The following RBMS3 variants were observed in gnomAD, a reference collection of about 807,000 sequenced individuals.
The protein encoded by RBMS3 is RNA-binding motif, single-stranded-interacting protein 3.
In RBMS3, 27 loss-of-function variants were observed where a neutral mutation model predicts 66.8. The ratio of observed to expected loss-of-function variants is 0.40; its 90% CI spans 0.30 to 0.56. The LOEUF (loss-of-function observed/expected upper bound fraction) is 0.56. RBMS3 is among the 20% of genes least tolerant of loss of function. RBMS3 has a pLI of 0.40. For missense variants in RBMS3, 513 were observed against 549.5 expected, an observed-to-expected ratio of 0.93 and a Z score of 0.66; for synonymous variants, 188 against 183.0, an observed-to-expected ratio of 1.03 and a Z score of -0.22.
chr3:29,891,233 G>A (rs1308425557), intron 8 of RBMS3, among the ~76,000 whole-genome samples: 1 of 151,586 alleles, frequency 6.6e-6, no homozygotes, highest in African/African-American at 2.4e-5. Flanking sequence ...AGCTAAGGAA[G>A]AACAAACAGT....
chr3:29,719,749 C>T (rs537167769), intron 4 of RBMS3, among the ~76,000 whole-genome samples: 1 of 152,204 alleles, frequency 6.6e-6, no homozygotes, highest in South Asian at 2.1e-4. Context: ...TTCTCAAATT[C>T]CTCAAATTCT....
At chr3:29,996,235 GC>G (rs1295552229) in intron 14 of RBMS3, among the ~76,000 whole-genome samples, 12 of 151,442 alleles carry the variant, frequency 7.9e-5, no homozygotes, top group South Asian at 2.1e-4. Context: ...AAATATATAT[GC>G]ACCCAATACA....
At chr3:29,637,025 C>A (rs977512684) in intron 4 of RBMS3, among the ~76,000 whole-genome samples, 2 of 151,862 alleles carry the variant, frequency 1.3e-5, no homozygotes, top group African/African-American at 2.4e-5. Flanking sequence ...AGCATGGAAG[C>A]TCCTAATGAG....
rs1008826418 is a variant in RBMS3, at chr3:29,701,327, G to A, written c.400-38393G>A. Among the ~76,000 whole-genome samples the A allele has an allele frequency of 5.9e-5, 9 of 152,150 alleles. No homozygotes were observed. The East Asian group carries it at 9.7e-4, about 16-fold the overall frequency. ...GTTTTAAGTAGTGAATGTTACCTCC[G>A]TAAAAAACAAGCTAGGAACCAGAAT... On this transcript the variant is annotated intron_variant, in intron 4 of 14. Transcript: ENST00000383767.
intron 6 of RBMS3, among the ~76,000 whole-genome samples, chr3:29,864,734 C>T (rs1164017895): frequency 3.3e-5 from 5 of 151,262 alleles, no homozygotes; most frequent in Non-Finnish European, 7.4e-5. Context: ...AAAAAACTTT[C>T]ACAATAGCTC....
chr3:29,476,281 A>G (rs1454434560), intron 2 of RBMS3, among the ~76,000 whole-genome samples: 2 of 152,190 alleles, frequency 1.3e-5, no homozygotes, highest in Non-Finnish European at 2.9e-5. Context: ...CCCATGAACT[A>G]TTGTTTTTGA....
intron 4 of RBMS3, among the ~76,000 whole-genome samples, chr3:29,709,209 G>A (rs2053046262): frequency 6.6e-6 from 1 of 152,130 alleles, no homozygotes; most frequent in African/African-American, 2.4e-5. Context: ...CCAACCTGCA[G>A]CCAACGAGTA....
intron 3 of RBMS3, among the ~76,000 whole-genome samples, chr3:29,561,057 A>G (rs2046532141): frequency 6.6e-6 from 1 of 152,210 alleles, no homozygotes; most frequent in Non-Finnish European, 1.5e-5. Flanking sequence ...ATGTTCCTGC[A>G]AAAGACAGGA....
intron 1 of RBMS3, among the ~76,000 whole-genome samples, chr3:29,414,764 A>G (rs967309810): frequency 2.0e-5 from 3 of 152,196 alleles, no homozygotes; most frequent in Admixed American, 6.5e-5. Context: ...TGTGCTTTCA[A>G]AAGTAAGGCA....
At chr3:29,396,128 G>A (rs1413739565) in intron 1 of RBMS3, among the ~76,000 whole-genome samples, 1 of 152,154 alleles carries the variant, frequency 6.6e-6, no homozygotes, top group Non-Finnish European at 1.5e-5. Context: ...TAGAGGCGCA[G>A]CTGGATATCA....
At chr3:29,520,511 C>T (rs1347698465) in intron 3 of RBMS3, among the ~76,000 whole-genome samples, 1 of 152,076 alleles carries the variant, frequency 6.6e-6, no homozygotes, top group East Asian at 1.9e-4. Context: ...GTTAAATATA[C>T]ACCAACAGCA....
At chr3:29,308,727 C>A (rs1425593661) in intron 1 of RBMS3, among the ~76,000 whole-genome samples, 1 of 99,290 alleles carries the variant, frequency 1.0e-5, no homozygotes, top group African/African-American at 3.9e-5. Context: ...AGAAATATAG[C>A]ATAGTGATTA....
chr3:29,704,705 AT>A (rs2052792841), intron 4 of RBMS3, among the ~76,000 whole-genome samples: 1 of 152,182 alleles, frequency 6.6e-6, no homozygotes, highest in South Asian at 2.1e-4. Flanking sequence ...TTAAATGTTG[AT>A]ACTAGTTTTT....
intron 4 of RBMS3, among the ~76,000 whole-genome samples, chr3:29,671,574 A>C: frequency 6.6e-6 from 1 of 152,232 alleles, no homozygotes. Context: ...TAAACAGCAT[A>C]GAGAAGACCT....
intron 12 of RBMS3, among the ~76,000 whole-genome samples, chr3:29,952,018 T>C (rs1447468867): frequency 6.6e-6 from 1 of 151,820 alleles, no homozygotes; most frequent in Non-Finnish European, 1.5e-5. Flanking sequence ...TTATAACTTA[T>C]TAAAACTTTA....
intron 4 of RBMS3, among the ~76,000 whole-genome samples, chr3:29,677,634 C>G (rs1337417645): frequency 6.6e-6 from 1 of 152,130 alleles, no homozygotes; most frequent in Non-Finnish European, 1.5e-5. Flanking sequence ...AACATCTGCT[C>G]TCTGAACTTG....
chr3:29,653,109 G>A (rs978325377), intron 4 of RBMS3, among the ~76,000 whole-genome samples: 1 of 152,090 alleles, frequency 6.6e-6, no homozygotes, highest in African/African-American at 2.4e-5. Flanking sequence ...AATTCCATTC[G>A]TTGTTAAGAT....
intron 1 of RBMS3, among the ~76,000 whole-genome samples, chr3:29,397,454 T>C (rs1326835205): frequency 6.6e-6 from 1 of 152,186 alleles, no homozygotes; most frequent in Non-Finnish European, 1.5e-5. Flanking sequence ...TGGCCTTGGT[T>C]TTAAACGCTT....
intron 2 of RBMS3, among the ~76,000 whole-genome samples, chr3:29,466,925 G>A (rs895789315): frequency 6.6e-6 from 1 of 152,042 alleles, no homozygotes; most frequent in African/African-American, 2.4e-5. Flanking sequence ...AAATTTAGCT[G>A]TGTGTCCCTA....
Sources: gnomAD v4.1 joint callset for allele counts (sites outside exome capture counted in the v4.1 genomes callset) on GRCh38, gnomAD v4.1.1 for gene constraint, MANE v1.5 for transcripts, NCBI Gene and HGNC (gene_info 2026-07-23, HGNC 2026-07-21) for gene names.